Variants in ITPRID1 observed in about 807,000 individuals in gnomAD.
ITPRID1 encodes ITPR interacting domain containing 1.
Under a neutral mutation model 95.4 loss-of-function variants are expected in ITPRID1, and 96 were observed. The observed-to-expected ratio is 1.01, with a 90% CI of 0.85 to 1.19. The LOEUF (loss-of-function observed/expected upper bound fraction) is 1.19. Among genes scored for constraint, ITPRID1 ranks in the 50% most tolerant of loss-of-function variants. The pLI, the probability that ITPRID1 is intolerant of heterozygous loss-of-function variation, is 0.00. For missense variants in ITPRID1, 1,339 were observed against 1,252.9 expected, an observed-to-expected ratio of 1.07 and a Z score of -1.04; for synonymous variants, 510 against 453.6, an observed-to-expected ratio of 1.12 and a Z score of -1.58.
At chr7:31,586,620 T>C (rs1486761089) in intron 10 of ITPRID1, among the ~76,000 whole-genome samples, 1 of 152,222 alleles carries the variant, frequency 6.6e-6, no homozygotes, top group Non-Finnish European at 1.5e-5. Context: ...ATGTGTTTTT[T>C]GGCTGTATAA....
chr7:31,649,900 G>A (rs187154604), intron 12 of ITPRID1, among the ~76,000 whole-genome samples: 1 of 152,184 alleles, frequency 6.6e-6, no homozygotes, highest in African/African-American at 2.4e-5. Flanking sequence ...AAAGAGCTGA[G>A]CTCCACTCCA....
Position 31,578,351 on chromosome 7 carries a change from AAGG to A in ITPRID1, c.1090_1092del (p.Glu364del). ...GGGGTCAGTCAAGGGCAGAACTCAGAAGGAGAACTTATTTCAGACTAACAAGCT... is the reference window on the plus strand; with the variant it reads ...GGGGTCAGTCAAGGGCAGAACTCAGAAGAACTTATTTCAGACTAACAAGCT... On this transcript the variant is annotated inframe_deletion, in exon 9 of 15. Coordinates refer to ENST00000615280, the MANE Select transcript of ITPRID1 (RefSeq NM_001257967.3). 6.2e-7 allele frequency: 1 copy of A among 1,613,854 alleles called. No homozygotes were observed. The highest frequency in any genetic ancestry group is 8.5e-7 in the Non-Finnish European group (1 of 1,179,824).
At chr7:31,633,180 CGGCCAGGTCTGGGGAGATTTACGCTGA>C (rs1789172309) in intron 10 of ITPRID1, among the ~76,000 whole-genome samples, 2 of 151,646 alleles carry the variant, frequency 1.3e-5, no homozygotes, top group South Asian at 4.2e-4. Flanking sequence ...CTACCGCGAC[CGGCCAGGTCTGGGGAGATTTACGCTGA>C]GGAGAAAGGC....
At chr7:31,600,123 A>C (rs1242078246) in intron 10 of ITPRID1, among the ~76,000 whole-genome samples, 1 of 152,234 alleles carries the variant, frequency 6.6e-6, no homozygotes, top group Non-Finnish European at 1.5e-5. Context: ...TAAATGAAGC[A>C]ATTTTCAACC....
intron 10 of ITPRID1, among the ~76,000 whole-genome samples, chr7:31,599,183 A>C (rs1337242373): frequency 1.3e-5 from 2 of 152,250 alleles, no homozygotes; most frequent in Non-Finnish European, 2.9e-5. Flanking sequence ...CAATAAGAAA[A>C]TGGTTAAACA....
At chr7:31,539,729 C>A (rs1029432986) in intron 1 of ITPRID1, among the ~76,000 whole-genome samples, 3 of 152,076 alleles carry the variant, frequency 2.0e-5, no homozygotes, top group African/African-American at 7.2e-5. Context: ...CTCTTACAGA[C>A]TAAGGTTATT....
chr7:31,656,836 C>G, downstream of ITPRID1, among the ~76,000 whole-genome samples: 1 of 151,744 alleles, frequency 6.6e-6, no homozygotes, highest in Non-Finnish European at 1.5e-5. Flanking sequence ...GGTTTACTCT[C>G]CTAATTCTCC....
downstream of ITPRID1, chr7:31,658,136 G>A: frequency 1.7e-6 from 1 of 574,842 alleles, no homozygotes; most frequent in Admixed American, 3.7e-5. Flanking sequence ...AAACCTTGAG[G>A]GTTGCTCTGA....
intron 5 of ITPRID1, among the ~76,000 whole-genome samples, chr7:31,556,981 A>G (rs1784468387): frequency 6.6e-6 from 1 of 151,948 alleles, no homozygotes; most frequent in Non-Finnish European, 1.5e-5. Flanking sequence ...TGGCTTTGGC[A>G]ATCCTCAGTG....
At chr7:31,629,025 T>A (rs1352041227) in intron 10 of ITPRID1, among the ~76,000 whole-genome samples, 2 of 152,104 alleles carry the variant, frequency 1.3e-5, no homozygotes, top group African/African-American at 4.8e-5. Context: ...TCCAAAAAAA[T>A]TGGCGTTACA....
chr7:31,527,222 C>T (rs1167682895), intron 1 of ITPRID1, among the ~76,000 whole-genome samples: 1 of 152,134 alleles, frequency 6.6e-6, no homozygotes, highest in African/African-American at 2.4e-5. Flanking sequence ...AAGGCTATTC[C>T]AGTCAAAGTT....
chr7:31,519,608 CTCTCTCTCTCTCTATA>C (rs1319967003), intron 1 of ITPRID1, among the ~76,000 whole-genome samples: 14 of 54,698 alleles, frequency 2.6e-4, no homozygotes, highest in East Asian at 1.0e-3. Flanking sequence ...CTCTCTCTCT[CTCTCTCTCTCTCTATA>C]TATATATATA....
Position 31,516,227 on chromosome 7 carries a change from A to G in ITPRID1, c.-98+2107A>G, listed in dbSNP as rs182134410. On this transcript the variant is annotated intron_variant, in intron 1 of 14. Coordinates refer to ENST00000615280, the MANE Select transcript of ITPRID1 (RefSeq NM_001257967.3). Reference sequence around the variant, plus strand: ...GTATATAATGTGCATAATCACCTGGATGTCTTATTGCACATTTAGGTTTGT... The same window carrying G: ...GTATATAATGTGCATAATCACCTGGGTGTCTTATTGCACATTTAGGTTTGT... Among the ~76,000 whole-genome samples the G allele has an allele frequency of 1.1e-3, 167 of 152,252 alleles. 1 individual carries two copies. Among genetic ancestry groups the G allele is most frequent in the Admixed American group, 9.2e-3 (140 of 15,298 alleles).
chr7:31,578,137 G>T lies in ITPRID1; in HGVS notation c.873G>T (p.Trp291Cys). The T allele has an allele frequency of 6.2e-7, 1 of 1,613,698 alleles. No individual in the cohort carries two copies. Among genetic ancestry groups the T allele is most frequent in the Non-Finnish European group, 8.5e-7 (1 of 1,179,788 alleles). The change falls in exon 9 of 15, where the codon TGG (tryptophan) becomes TGT (cysteine). Residue 291 changes from tryptophan (W) to cysteine (C), a missense_variant. By Grantham distance (215) the Trp-to-Cys change is radical. Transcript: ENST00000615280. The stretch of plus-strand genomic sequence containing the variant: ...TTTTTGTTCCCTTTACAAAACCATG[G>T]GATTGTGGAGCAGAGCTAGCAGCAA... ...DEVFVPFTKP[W>C]DCGAELAATS... is the part of the protein sequence containing the mutation.
At chr7:31,652,424 A>G in intron 14 of ITPRID1, 94 bp from the exon 15 acceptor site, 1 of 1,471,942 alleles carries the variant, frequency 6.8e-7, no homozygotes, top group Non-Finnish European at 9.0e-7. Context: ...TAGAGAATCG[A>G]CCACCTCATA....
intron 10 of ITPRID1, among the ~76,000 whole-genome samples, chr7:31,598,446 C>G (rs1171397807): frequency 1.4e-5 from 2 of 145,582 alleles, no homozygotes; most frequent in Non-Finnish European, 3.0e-5. Flanking sequence ...CTCTGTCACC[C>G]AGGCTGGAGT....
At chr7:31,549,551 G>A in intron 2 of ITPRID1, 52 bp downstream of exon 2, 2 of 1,350,350 alleles carry the variant, frequency 1.5e-6, no homozygotes. Context: ...ACTCCATAAA[G>A]TGTTTATTTC....
intron 10 of ITPRID1, among the ~76,000 whole-genome samples, chr7:31,604,358 A>T (rs982345191): frequency 1.3e-5 from 2 of 152,244 alleles, no homozygotes; most frequent in African/African-American, 2.4e-5. Flanking sequence ...TAGTATTCAC[A>T]GATCTATGTG....
chr7:31,640,389 T>G (rs1789911343), intron 10 of ITPRID1, among the ~76,000 whole-genome samples: 3 of 152,136 alleles, frequency 2.0e-5, no homozygotes, highest in Admixed American at 2.0e-4. Flanking sequence ...CCTCTAGAGT[T>G]CTCTCTGTGT....
Sources: allele counts gnomAD v4.1 joint callset (sites outside exome capture counted in the v4.1 genomes callset), GRCh38; gene constraint gnomAD v4.1.1; transcripts MANE v1.5; gene names NCBI Gene and HGNC (gene_info 2026-07-23, HGNC 2026-07-21).